TFB1M: variants seen among roughly 807,000 people sequenced by gnomAD.
TFB1M encodes the protein dimethyladenosine transferase 1, mitochondrial.
Under a neutral mutation model 31.1 loss-of-function variants are expected in TFB1M, and 27 were observed. That is an observed-to-expected ratio of 0.87 (90% confidence interval 0.64 to 1.20). The LOEUF is 1.20. Ranked by LOEUF, TFB1M falls within the 50% of genes most tolerant of loss-of-function variation. TFB1M has a pLI of 0.00. For missense variants in TFB1M, 394 were observed against 418.7 expected (o/e 0.94, Z 0.51); for synonymous variants, 166 against 151.8 (o/e 1.09, Z -0.69).
chr6:155,263,778 GAC>G (rs1303836354), intron 5 of TFB1M, among the ~76,000 whole-genome samples: 1 of 152,148 alleles, frequency 6.6e-6, no homozygotes, highest in Non-Finnish European at 1.5e-5. Flanking sequence ...CACATGCACA[GAC>G]ACAGAAACAA....
the TFB1M span, among the ~76,000 whole-genome samples, chr6:155,249,618 C>T: frequency 6.6e-6 from 1 of 152,196 alleles, no homozygotes; most frequent in Non-Finnish European, 1.5e-5. Flanking sequence ...ATACTTTTCA[C>T]TGATACTCTG....
In TFB1M at chr6:155,291,530, G is replaced by C. The variant is rs192969460; in HGVS notation, c.546+5423C>G. On this transcript the variant is annotated intron_variant, in intron 4 of 6. Coordinates refer to ENST00000367166, the MANE Select transcript of TFB1M (RefSeq NM_016020.4). Reference sequence around the variant, plus strand: ...ACATGCAACGGTCCTACGTTTTTATGATGGGAAGTTCCAAGACTCCTGAGA... The same window carrying C: ...ACATGCAACGGTCCTACGTTTTTATCATGGGAAGTTCCAAGACTCCTGAGA... 4.6e-3 allele frequency among the ~76,000 whole-genome samples: 700 copies of C among 152,332 alleles called. 4 individuals are homozygous for C. The highest frequency in any genetic ancestry group is 8.4e-3 in the Non-Finnish European group (570 of 68,024).
At chr6:155,248,122 C>T in the TFB1M span, 4 of 1,614,168 alleles carry the variant, frequency 2.5e-6, no homozygotes, top group Non-Finnish European at 2.5e-6. Flanking sequence ...CCCGCTGCTG[C>T]TCAAGGAGCT....
downstream of TFB1M, chr6:155,252,920 CTT>C (rs1337072266): frequency 1.9e-6 from 3 of 1,597,850 alleles, no homozygotes; most frequent in Non-Finnish European, 2.6e-6. Context: ...TTCCCTAACA[CTT>C]TTCTTGGTGG....
chr6:155,266,131 A>C (rs2114681590), intron 5 of TFB1M, among the ~76,000 whole-genome samples: 1 of 152,292 alleles, frequency 6.6e-6, no homozygotes, highest in Non-Finnish European at 1.5e-5. Context: ...TACACCCAGG[A>C]TCAATACTTT....
chr6:155,289,650 A>G (rs1354955754), intron 4 of TFB1M, among the ~76,000 whole-genome samples: 1 of 152,226 alleles, frequency 6.6e-6, no homozygotes, highest in Non-Finnish European at 1.5e-5. Context: ...AAATGTTAAA[A>G]AGAGCTTCCT....
At position 155,256,342 on chromosome 6, in the gene TFB1M, CTAAT is replaced by C; in HGVS notation, c.*1490_*1493del. 1 of 1,272,720 alleles carries C rather than the reference CTAAT, an allele frequency of 7.9e-7. No homozygotes were observed. Among genetic ancestry groups the C allele is most frequent in the Non-Finnish European group, 1.1e-6 (1 of 933,736 alleles). The allele number at this position is 1,272,720 out of a possible 1,614,324, so 78.8% of individuals were successfully genotyped here. A position where few individuals can be genotyped will look rare whatever the true frequency, so the allele number is the denominator to read the frequency against. On this transcript the variant is annotated 3_prime_UTR_variant, in exon 7 of 7. Coordinates refer to ENST00000367166, the MANE Select transcript of TFB1M (RefSeq NM_016020.4). ...ATGTTTTCAGTAGCTACATTTTTGC[CTAAT>C]TACCAGGATAGTTGCTAACTGAAGT...
intron 6 of TFB1M, 104 bp from the exon 7 acceptor site, chr6:155,258,186 GCTA>G: frequency 7.4e-7 from 1 of 1,353,498 alleles, no homozygotes; most frequent in Non-Finnish European, 1.0e-6. Context: ...ACAGTTGCTG[GCTA>G]CTGACAGCTG....
At chr6:155,298,680 A>G in intron 2 of TFB1M, 95 bp from the exon 3 acceptor site, 1 of 832,534 alleles carries the variant, frequency 1.2e-6, no homozygotes, top group Non-Finnish European at 2.0e-6. Context: ...AATCAGTTAA[A>G]AAAGTCAGAG....
intron 5 of TFB1M, among the ~76,000 whole-genome samples, chr6:155,274,746 T>A (rs929007779): frequency 6.6e-6 from 1 of 152,248 alleles, no homozygotes; most frequent in African/African-American, 2.4e-5. Flanking sequence ...TCCACTGCTG[T>A]CCTTCCTCCT....
rs577153398 is a variant in TFB1M, at chr6:155,258,041, C to T, written c.836G>A (p.Arg279Lys). ...PEAQRLESTG[R>K]LLELADIDPT... ...GTCTATGTCTGCCAACTCTAACAGCCTGCCCGTGCTTTCCAAGCGCTGCGC... is the reference window on the plus strand; with the variant it reads ...GTCTATGTCTGCCAACTCTAACAGCTTGCCCGTGCTTTCCAAGCGCTGCGC... The change falls in exon 7 of 7, where the codon AGG becomes AAG. Residue 279 changes from arginine (R) to lysine (K), a missense_variant. Around this residue, in one of 3 missense-constraint regions of TFB1M, gnomAD observed 115 missense variants for 144.1 expected, o/e 0.80. Coordinates refer to ENST00000367166, the MANE Select transcript of TFB1M (RefSeq NM_016020.4). 6 of 1,614,220 alleles carry T rather than the reference C, an allele frequency of 3.7e-6. No homozygotes were observed. The African/African-American group carries it at 6.7e-5, about 18-fold the overall frequency.
intron 4 of TFB1M, 26 bp downstream of exon 4, chr6:155,296,927 A>G: frequency 6.2e-7 from 1 of 1,605,054 alleles, no homozygotes; most frequent in Non-Finnish European, 8.5e-7. Context: ...CATGTGATAA[A>G]ATAGTCACAA....
chr6:155,305,112 ATATT>A (rs1342623010), intron 2 of TFB1M, among the ~76,000 whole-genome samples: 1 of 115,132 alleles, frequency 8.7e-6, no homozygotes, highest in African/African-American at 3.7e-5. Flanking sequence ...TATATATTAT[ATATT>A]TATATATATA....
At position 155,257,896 on chromosome 6, in the gene TFB1M, C is replaced by CTTGAG. The variant is rs1260613445; in HGVS notation, c.976_980dup (p.Lys327AsnfsTer44). ...TTTCTTCATTTTTGCTTTTTCTTCG[C>CTTGAG]TTGAGTTCTTCTCTGAAATTATATG... On this transcript the variant is annotated frameshift_variant, in exon 7 of 7. Transcript: ENST00000367166. LOFTEE classifies it low-confidence loss of function (END_TRUNC). 3.1e-6 allele frequency: 5 copies of CTTGAG among 1,614,038 alleles called. No homozygotes were observed. Among genetic ancestry groups the CTTGAG allele is most frequent in the Non-Finnish European group, 4.2e-6 (5 of 1,180,034 alleles).
At chr6:155,294,461 TC>T (rs1777075054) in intron 4 of TFB1M, among the ~76,000 whole-genome samples, 3 of 152,092 alleles carry the variant, frequency 2.0e-5, no homozygotes, top group South Asian at 2.1e-4. Context: ...ATGTGAGAAC[TC>T]CTCCAGATCA....
rs11455127 is a variant in TFB1M, at chr6:155,257,190, C to CA, written c.*645dup. On this transcript the variant is annotated 3_prime_UTR_variant, in exon 7 of 7. Transcript: ENST00000367166. ...TAAACTGGTGGTAAAGTGGAAATTG[C>CA]AAAAAAAAAAAAAAAAAAAAACTGT... 45,145 of 538,734 alleles carry CA rather than the reference C, an allele frequency of 0.084. 302 individuals are homozygous for CA. The highest frequency in any genetic ancestry group is 0.11 in the African/African-American group (4,369 of 38,736). The allele number at this position is 538,734 out of a possible 1,614,324, so 33.4% of individuals were successfully genotyped here.
chr6:155,292,864 C>G (rs140648597), intron 4 of TFB1M, among the ~76,000 whole-genome samples: 86 of 152,296 alleles, frequency 5.6e-4, no homozygotes, highest in Non-Finnish European at 8.8e-5. Flanking sequence ...GGGTCTTGCT[C>G]TGCCGCCCAG....
Position 155,257,672 on chromosome 6 carries a change from A to ATGAT in TFB1M, c.*160_*163dup, listed in dbSNP as rs1784158215. 2 of 728,868 alleles carry ATGAT rather than the reference A, an allele frequency of 2.7e-6. No individual in the cohort carries two copies. Among genetic ancestry groups the ATGAT allele is most frequent in the African/African-American group, 3.6e-5 (2 of 56,190 alleles). The allele number at this position is 728,868 out of a possible 1,614,324, so 45.2% of individuals were successfully genotyped here. The stretch of plus-strand genomic sequence containing the variant: ...GAAAGCTTGTACTGTATCTTATTTG[A>ATGAT]TGATATTTATTTTCTCTGCCAAGCT... On this transcript the variant is annotated 3_prime_UTR_variant, in exon 7 of 7. Coordinates refer to ENST00000367166, the MANE Select transcript of TFB1M (RefSeq NM_016020.4).
At chr6:155,296,809 CTTTTG>C in intron 4 of TFB1M, 139 bp downstream of exon 4, 1 of 773,508 alleles carries the variant, frequency 1.3e-6, no homozygotes, top group Non-Finnish European at 2.1e-6. Flanking sequence ...AAAGTTTTAA[CTTTTG>C]GCTGAGCTGC....
Sources: allele counts gnomAD v4.1 joint callset (sites outside exome capture counted in the v4.1 genomes callset), GRCh38; gene constraint gnomAD v4.1.1; regional missense constraint gnomAD v4.1.1; transcripts MANE v1.5; gene names NCBI Gene and HGNC (gene_info 2026-07-23, HGNC 2026-07-21).